Variants in CHCHD6 observed in about 807,000 individuals in gnomAD.
The protein encoded by CHCHD6 is coiled-coil-helix-coiled-coil-helix domain containing 6.
CHCHD6 carries 28 observed loss-of-function variants against 32.3 expected under a neutral mutation model. The observed-to-expected ratio is 0.87, with a 90% CI of 0.64 to 1.19. The LOEUF is 1.19. Ranked by LOEUF, CHCHD6 falls within the 50% of genes most tolerant of loss-of-function variation. The pLI, the probability that CHCHD6 is intolerant of heterozygous loss-of-function variation, is 0.00. For missense variants in CHCHD6, 333 were observed against 307.0 expected, an observed-to-expected ratio of 1.08 and a Z score of -0.63; for synonymous variants, 122 against 117.5, an observed-to-expected ratio of 1.04 and a Z score of -0.25.
intron 6 of CHCHD6, among the ~76,000 whole-genome samples, chr3:126,956,574 T>A (rs529425446): frequency 6.8e-6 from 1 of 147,972 alleles, no homozygotes; most frequent in East Asian, 2.0e-4. Flanking sequence ...TGCACGAATG[T>A]GCTGTTGTGT....
chr3:126,896,205 A>G (rs1184785546), intron 5 of CHCHD6, among the ~76,000 whole-genome samples: 2 of 152,226 alleles, frequency 1.3e-5, no homozygotes, highest in Non-Finnish European at 2.9e-5. Context: ...TCAAGATAAA[A>G]CACGCAATTT....
intron 4 of CHCHD6, among the ~76,000 whole-genome samples, chr3:126,834,545 C>T (rs1043103698): frequency 6.6e-6 from 1 of 152,042 alleles, no homozygotes; most frequent in African/African-American, 2.4e-5. Context: ...GTCATGAAGC[C>T]CTACCAGTTG....
intron 6 of CHCHD6, chr3:126,953,032 C>T (rs1054084447): frequency 1.0e-6 from 1 of 985,482 alleles, no homozygotes; most frequent in Non-Finnish European, 1.2e-6. Flanking sequence ...CAGGGCCACA[C>T]TGCGTTACTG....
intron 4 of CHCHD6, among the ~76,000 whole-genome samples, chr3:126,741,238 G>A (rs1936275789): frequency 6.6e-6 from 1 of 152,162 alleles, no homozygotes; most frequent in African/African-American, 2.4e-5. Context: ...GGCAGGCGGT[G>A]CTGTGCGCCG....
chr3:126,929,434 G>A (rs2078371100), intron 6 of CHCHD6, among the ~76,000 whole-genome samples: 1 of 152,152 alleles, frequency 6.6e-6, no homozygotes, highest in Non-Finnish European at 1.5e-5. Flanking sequence ...TCCATGCATG[G>A]CTACTAAGTG....
At chr3:126,889,948 G>C (rs1050055004) in intron 5 of CHCHD6, among the ~76,000 whole-genome samples, 1 of 151,702 alleles carries the variant, frequency 6.6e-6, no homozygotes, top group Admixed American at 6.6e-5. Context: ...ACCATCAAAG[G>C]GGCTGGACCA....
At chr3:126,751,178 C>T (rs529849427) in intron 4 of CHCHD6, among the ~76,000 whole-genome samples, 23 of 151,506 alleles carry the variant, frequency 1.5e-4, no homozygotes, top group African/African-American at 4.4e-4. Context: ...TCTGGTTGCA[C>T]TTCTTTGAAG....
intron 4 of CHCHD6, among the ~76,000 whole-genome samples, chr3:126,801,591 A>G (rs558935749): frequency 6.6e-6 from 1 of 152,342 alleles, no homozygotes; most frequent in East Asian, 1.9e-4. Flanking sequence ...ACCAGAGCTC[A>G]AGGAGGCCTT....
intron 4 of CHCHD6, chr3:126,766,313 C>G: frequency 2.7e-6 from 1 of 372,104 alleles, no homozygotes; most frequent in Non-Finnish European, 5.2e-6. Context: ...GGAGTCTAAA[C>G]AAAAATGCAC....
At chr3:126,798,616 G>A (rs2107689467) in intron 4 of CHCHD6, among the ~76,000 whole-genome samples, 1 of 148,770 alleles carries the variant, frequency 6.7e-6, no homozygotes, top group Non-Finnish European at 1.5e-5. Context: ...TCTGTGGCTT[G>A]GAGCTGCTCC....
chr3:126,890,989 T>A (rs1212137987), intron 5 of CHCHD6, among the ~76,000 whole-genome samples: 1 of 152,200 alleles, frequency 6.6e-6, no homozygotes. Flanking sequence ...CCAGTGGGAT[T>A]GCAATTTGGC....
intron 5 of CHCHD6, among the ~76,000 whole-genome samples, chr3:126,894,458 A>C (rs1259070991): frequency 6.6e-6 from 1 of 152,256 alleles, no homozygotes; most frequent in Admixed American, 6.5e-5. Context: ...CAGGGAATGC[A>C]GGATGCTATT....
intron 1 of CHCHD6, among the ~76,000 whole-genome samples, chr3:126,716,001 TG>T (rs1355877635): frequency 6.6e-6 from 1 of 152,212 alleles, no homozygotes; most frequent in African/African-American, 2.4e-5. Flanking sequence ...CTGCTTCAGT[TG>T]TCACACTTCT....
chr3:126,895,434 A>G (rs2077824827), intron 5 of CHCHD6, among the ~76,000 whole-genome samples: 1 of 152,200 alleles, frequency 6.6e-6, no homozygotes, highest in Non-Finnish European at 1.5e-5. Context: ...TATTTGCAGC[A>G]GGAGAAAAGA....
chr3:126,811,445 G>T (rs571169582), intron 4 of CHCHD6, among the ~76,000 whole-genome samples: 1 of 152,142 alleles, frequency 6.6e-6, no homozygotes, highest in East Asian at 1.9e-4. Context: ...CAATTAATTA[G>T]TTATTTTTAA....
chr3:126,844,112 C>G (rs1199990725), intron 4 of CHCHD6, among the ~76,000 whole-genome samples: 2 of 152,086 alleles, frequency 1.3e-5, no homozygotes, highest in Non-Finnish European at 2.9e-5. Context: ...TGATTTCATC[C>G]TTTTAAACTT....
rs764096025 is a variant in CHCHD6 at position 126,727,224 on chromosome 3, A to G, written c.196+38A>G. 3.4e-6 allele frequency: 5 copies of G among 1,466,140 alleles called. No homozygotes were observed. In the South Asian group the frequency reaches 3.4e-5, roughly 10 times the overall value. The allele number at this position is 1,466,140 out of a possible 1,614,324, so 90.8% of individuals were successfully genotyped here. ...TGACAGTTCTGTGGAGTGTGGAGAG[A>G]CAGTGAAAGGAGTGATGGGTGCTCA... On this transcript the variant is annotated intron_variant, in intron 2 of 7. Coordinates refer to ENST00000290913, the MANE Select transcript of CHCHD6 (RefSeq NM_032343.3).
intron 5 of CHCHD6, among the ~76,000 whole-genome samples, chr3:126,909,793 G>C (rs6797300): frequency 0.67 from 101,480 of 151,994 alleles, 36,214 homozygotes; most frequent in Non-Finnish European, 0.81. Flanking sequence ...TAATGTGTGA[G>C]AATTCGGTAG....
At chr3:126,820,307 A>G (rs1368703810) in intron 4 of CHCHD6, among the ~76,000 whole-genome samples, 1 of 152,240 alleles carries the variant, frequency 6.6e-6, no homozygotes, top group Non-Finnish European at 1.5e-5. Context: ...GCCTCTTTAC[A>G]TAGGTGTAAT....
Sources: gnomAD v4.1 joint callset for allele counts (sites outside exome capture counted in the v4.1 genomes callset) on GRCh38, gnomAD v4.1.1 for gene constraint, MANE v1.5 for transcripts, NCBI Gene and HGNC (gene_info 2026-07-23, HGNC 2026-07-21) for gene names.